Variants in NCKAP5 observed in about 807,000 individuals in gnomAD.
NCKAP5 encodes NCK associated protein 5.
Under a neutral mutation model 167.0 loss-of-function variants are expected in NCKAP5, and 92 were observed. That is an observed-to-expected ratio of 0.55 (90% confidence interval 0.47 to 0.66). NCKAP5 has a LOEUF of 0.66. Ranked by LOEUF, NCKAP5 falls within the 30% of genes least tolerant of loss-of-function variation. The pLI, the probability that NCKAP5 is intolerant of heterozygous loss-of-function variation, is 0.00. For missense variants in NCKAP5, 2,378 were observed against 2,315.0 expected (o/e 1.03, Z -0.56); for synonymous variants, 891 against 877.4 (o/e 1.02, Z -0.27).
chr2:133,036,052 T>C (rs2079030592), intron 6 of NCKAP5, among the ~76,000 whole-genome samples: 1 of 151,990 alleles, frequency 6.6e-6, no homozygotes, highest in East Asian at 1.9e-4. Flanking sequence ...AGCAACTATA[T>C]GTCAATAAAT....
the NCKAP5 span, among the ~76,000 whole-genome samples, chr2:133,632,522 T>C: frequency 1.3e-5 from 2 of 152,204 alleles, no homozygotes; most frequent in Non-Finnish European, 1.5e-5. Flanking sequence ...CTTTCCACAT[T>C]TTTGGAAAAT....
intron 8 of NCKAP5, among the ~76,000 whole-genome samples, chr2:132,908,536 C>T (rs1558928651): frequency 6.6e-6 from 1 of 152,166 alleles, no homozygotes; most frequent in African/African-American, 2.4e-5. Flanking sequence ...TAATACTAAG[C>T]TTATCTTCAA....
chr2:132,858,936 G>T (rs182614005), intron 11 of NCKAP5, among the ~76,000 whole-genome samples: 1 of 152,012 alleles, frequency 6.6e-6, no homozygotes, highest in East Asian at 1.9e-4. Flanking sequence ...AAGGCCTCAA[G>T]TTACAACAGG....
chr2:133,612,849 T>C, the NCKAP5 span, among the ~76,000 whole-genome samples: 3 of 152,214 alleles, frequency 2.0e-5, no homozygotes, highest in Non-Finnish European at 2.9e-5. Context: ...CTTTATAACA[T>C]TGCTCTTAAG....
At chr2:133,359,483 T>C (rs1369496334) in intron 3 of NCKAP5, among the ~76,000 whole-genome samples, 2 of 152,226 alleles carry the variant, frequency 1.3e-5, no homozygotes, top group Non-Finnish European at 2.9e-5. Context: ...TGATTCTCCA[T>C]ACTAATGATC....
intron 6 of NCKAP5, among the ~76,000 whole-genome samples, chr2:133,045,882 G>A (rs1310509307): frequency 6.6e-6 from 1 of 152,166 alleles, no homozygotes; most frequent in Non-Finnish European, 1.5e-5. Context: ...CCGTTGTGAT[G>A]TAGTGTTAGG....
At chr2:133,132,722 A>G (rs372279365) in intron 5 of NCKAP5, among the ~76,000 whole-genome samples, 16 of 148,562 alleles carry the variant, frequency 1.1e-4, no homozygotes, top group Admixed American at 1.4e-4. Flanking sequence ...TGTCACCCAG[A>G]CTGGAGTGCA....
At chr2:133,364,083 C>T (rs774378340) in intron 3 of NCKAP5, among the ~76,000 whole-genome samples, 7 of 152,106 alleles carry the variant, frequency 4.6e-5, no homozygotes, top group African/African-American at 1.2e-4. Context: ...TCATCATCAT[C>T]GTCATCATCT....
At chr2:133,645,195 G>C in the NCKAP5 span, among the ~76,000 whole-genome samples, 1 of 152,008 alleles carries the variant, frequency 6.6e-6, no homozygotes, top group Non-Finnish European at 1.5e-5. Flanking sequence ...GAAAATTAAA[G>C]GAAAGCTAAA....
intron 6 of NCKAP5, among the ~76,000 whole-genome samples, chr2:133,075,302 A>G (rs1043187148): frequency 3.3e-5 from 5 of 152,196 alleles, no homozygotes; most frequent in African/African-American, 1.2e-4. Flanking sequence ...TAAAGAGATT[A>G]TCAAAAAAAG....
chr2:133,639,362 G>A, the NCKAP5 span, among the ~76,000 whole-genome samples: 3 of 152,108 alleles, frequency 2.0e-5, no homozygotes, highest in East Asian at 1.9e-4. Context: ...AAGACATGAC[G>A]ATAGCAACAT....
At chr2:132,728,973 G>C (rs1203156655) in intron 17 of NCKAP5, 21 bp from the exon 18 acceptor site, 4 of 1,612,876 alleles carry the variant, frequency 2.5e-6, no homozygotes, top group Non-Finnish European at 3.4e-6. Context: ...ACACGTATGT[G>C]GAATCACATA....
At chr2:133,410,776 T>G (rs1319511029) in intron 3 of NCKAP5, among the ~76,000 whole-genome samples, 2 of 152,230 alleles carry the variant, frequency 1.3e-5, no homozygotes. Context: ...AAACCACTGA[T>G]GTAGATAAAT....
At chr2:133,244,248 A>G (rs2087866049) in intron 4 of NCKAP5, among the ~76,000 whole-genome samples, 1 of 152,210 alleles carries the variant, frequency 6.6e-6, no homozygotes, top group African/African-American at 2.4e-5. Flanking sequence ...ACCTTAGTTC[A>G]TCATCTTTAT....
chr2:133,607,047 TA>T, the NCKAP5 span, among the ~76,000 whole-genome samples: 6 of 152,118 alleles, frequency 3.9e-5, no homozygotes, highest in Admixed American at 3.9e-4. Context: ...TTAATCCTTT[TA>T]AAAAAATCTC....
chr2:133,114,490 T>C (rs371985269), intron 6 of NCKAP5, among the ~76,000 whole-genome samples: 72 of 152,198 alleles, frequency 4.7e-4, no homozygotes, highest in African/African-American at 1.7e-3. Context: ...TTAAAAAACA[T>C]AGCCATATGT....
chr2:133,414,630 C>T (rs1375254755), intron 3 of NCKAP5, among the ~76,000 whole-genome samples: 1 of 152,152 alleles, frequency 6.6e-6, no homozygotes, highest in African/African-American at 2.4e-5. Context: ...TTAGTCTGCT[C>T]AATATATGGT....
At chr2:132,742,369 C>T (rs1679272049) in intron 16 of NCKAP5, among the ~76,000 whole-genome samples, 1 of 151,888 alleles carries the variant, frequency 6.6e-6, no homozygotes, top group African/African-American at 2.4e-5. Context: ...AGATTTAAAT[C>T]AGCTTTATTT....
At chr2:133,498,696 G>C (rs561093289) in intron 3 of NCKAP5, among the ~76,000 whole-genome samples, 1 of 151,406 alleles carries the variant, frequency 6.6e-6, no homozygotes, top group Admixed American at 6.6e-5. Context: ...AGGGAGAGAG[G>C]GAGAGAAAGA....
Sources: gnomAD v4.1 joint callset for allele counts (sites outside exome capture counted in the v4.1 genomes callset) on GRCh38, gnomAD v4.1.1 for gene constraint, MANE v1.5 for transcripts, NCBI Gene and HGNC (gene_info 2026-07-23, HGNC 2026-07-21) for gene names.